Variants in PLEKHA8 observed in about 807,000 individuals in gnomAD.
PLEKHA8 encodes the protein pleckstrin homology domain containing A8.
PLEKHA8 carries 36 observed loss-of-function variants against 68.2 expected under a neutral mutation model. The ratio of observed to expected loss-of-function variants is 0.53; its 90% CI spans 0.40 to 0.70. PLEKHA8 has a LOEUF of 0.70. Ranked by LOEUF, PLEKHA8 falls within the 30% of genes least tolerant of loss-of-function variation. The pLI is 0.00. For missense variants in PLEKHA8, 505 were observed against 615.4 expected, an observed-to-expected ratio of 0.82 and a Z score of 1.90; for synonymous variants, 211 against 216.1, an observed-to-expected ratio of 0.98 and a Z score of 0.20.
intron 13 of PLEKHA8, 90 bp from the exon 14 acceptor site, chr7:30,078,500 A>G (rs1286848269): frequency 1.5e-6 from 2 of 1,343,722 alleles, no homozygotes; most frequent in Non-Finnish European, 2.1e-6. Flanking sequence ...TGTATGTGTG[A>G]AAGTATGTGT....
intron 9 of PLEKHA8, among the ~76,000 whole-genome samples, chr7:30,056,302 CTCTCTCTCTCTATA>C (rs1159662602): frequency 3.2e-5 from 3 of 93,558 alleles, no homozygotes; most frequent in African/African-American, 1.1e-4. Flanking sequence ...CTCTCTCTCT[CTCTCTCTCTCTATA>C]TATATATATA....
downstream of PLEKHA8, among the ~76,000 whole-genome samples, chr7:30,091,258 T>C (rs915510078): frequency 6.6e-6 from 1 of 151,520 alleles, no homozygotes; most frequent in African/African-American, 2.4e-5. Context: ...TTTGTTTTAC[T>C]CTTTTTTTTT....
At chr7:30,030,463 TTTG>T (rs745938520) in intron 1 of PLEKHA8, among the ~76,000 whole-genome samples, 3 of 152,354 alleles carry the variant, frequency 2.0e-5, no homozygotes, top group Non-Finnish European at 4.4e-5. Context: ...TTTTGGAATC[TTTG>T]TTATTTGATT....
intron 4 of PLEKHA8, 28 bp from the exon 5 acceptor site, chr7:30,049,196 G>T: frequency 6.2e-7 from 1 of 1,613,134 alleles, no homozygotes; most frequent in South Asian, 1.1e-5. Context: ...GCAAGGTAAA[G>T]GAGTCTTCCA....
intron 5 of PLEKHA8, among the ~76,000 whole-genome samples, chr7:30,049,795 A>G (rs1326755441): frequency 1.3e-5 from 2 of 152,092 alleles, no homozygotes; most frequent in Non-Finnish European, 2.9e-5. Context: ...CCCTTCCCAC[A>G]TTACCAGCTC....
chr7:30,103,221 C>T (rs1419874430), intron 13 of PLEKHA8, among the ~76,000 whole-genome samples: 1 of 152,092 alleles, frequency 6.6e-6, no homozygotes, highest in African/African-American at 2.4e-5. Flanking sequence ...AAATGATGCA[C>T]AACAATGTGA....
At chr7:30,034,783 A>G (rs1790941586) in intron 1 of PLEKHA8, among the ~76,000 whole-genome samples, 1 of 151,672 alleles carries the variant, frequency 6.6e-6, no homozygotes, top group African/African-American at 2.4e-5. Context: ...GATCAACTGT[A>G]TTTTCTTTTC....
At chr7:30,126,376 T>A (rs1461218033) in intron 13 of PLEKHA8, among the ~76,000 whole-genome samples, 1 of 152,236 alleles carries the variant, frequency 6.6e-6, no homozygotes, top group Non-Finnish European at 1.5e-5. Context: ...TCAAGATCTC[T>A]AGGACTCCTT....
chr7:30,121,632 A>G (rs1345446196), intron 13 of PLEKHA8, among the ~76,000 whole-genome samples: 1 of 152,116 alleles, frequency 6.6e-6, no homozygotes, highest in Non-Finnish European at 1.5e-5. Flanking sequence ...CTGTCTAAAA[A>G]AAAAACCCTA....
At chr7:30,129,389 A>C (rs1796836061) in exon 14 of PLEKHA8, 1 of 1,565,684 alleles carries the variant, frequency 6.4e-7, no homozygotes, top group Non-Finnish European at 8.8e-7. Flanking sequence ...CTGATGATAA[A>C]GAAGCAGCCA....
Position 30,050,400 on chromosome 7 carries a change from CAT to C in PLEKHA8, c.598-33_598-32del, listed in dbSNP as rs770323091. Reference sequence around the variant, plus strand: ...TAAATATGCTCTGTTCAAAGTTTAACATGTGAACTTTCCTTTCTTTGCTTCTT... The same window carrying C: ...TAAATATGCTCTGTTCAAAGTTTAACGTGAACTTTCCTTTCTTTGCTTCTT... On this transcript the variant is annotated intron_variant, in intron 5 of 13. Transcript: ENST00000449726. 102 of 1,552,144 alleles carry C rather than the reference CAT, an allele frequency of 6.6e-5. 1 individual carries two copies. The South Asian group carries it at 9.5e-4, about 14-fold the overall frequency.
chr7:30,067,458 A>G (rs1418092762), intron 12 of PLEKHA8, among the ~76,000 whole-genome samples: 3 of 152,228 alleles, frequency 2.0e-5, no homozygotes, highest in African/African-American at 7.2e-5. Flanking sequence ...TGACAAACCA[A>G]GACTCTGTCT....
exon 13 of PLEKHA8, chr7:30,090,668 T>G: frequency 1.7e-6 from 1 of 574,374 alleles, no homozygotes; most frequent in Non-Finnish European, 2.2e-6. Context: ...GACTTGATAC[T>G]GTCTCAACTT....
chr7:30,074,909 A>G (rs1200397001), intron 13 of PLEKHA8: 2 of 152,190 alleles, frequency 1.3e-5, no homozygotes, highest in African/African-American at 4.8e-5. Flanking sequence ...AGACTGCTTT[A>G]TAAAATAGCA....
chr7:30,039,722 C>T lies in PLEKHA8; in HGVS notation c.41-5363C>T, dbSNP rs547365799. Among the ~76,000 whole-genome samples, 433 of 152,026 alleles carry T rather than the reference C, an allele frequency of 2.8e-3. 1 individual carries two copies. The highest frequency in any genetic ancestry group is 0.02 in the Middle Eastern group (6 of 294). On this transcript the variant is annotated intron_variant, in intron 1 of 13. Transcript: ENST00000449726. ...CTAATAGGTTTTTTTTAGTGGCTTC[C>T]TTGCATTTTGTTTTTGTTTAAATAT...
At chr7:30,062,786 G>A (rs756022884) in intron 12 of PLEKHA8, 44 bp downstream of exon 12, 67 of 1,454,938 alleles carry the variant, frequency 4.6e-5, no homozygotes, top group Non-Finnish European at 6.1e-5. Context: ...ATAGACTGTG[G>A]AATGGAGACC....
intron 9 of PLEKHA8, among the ~76,000 whole-genome samples, chr7:30,057,421 C>T (rs1793080807): frequency 6.6e-6 from 1 of 150,660 alleles, no homozygotes; most frequent in African/African-American, 2.4e-5. Flanking sequence ...TATTCACTCT[C>T]TTATGGATGG....
intron 13 of PLEKHA8, among the ~76,000 whole-genome samples, chr7:30,097,554 C>G (rs1451743725): frequency 1.3e-5 from 2 of 152,184 alleles, no homozygotes; most frequent in African/African-American, 4.8e-5. Flanking sequence ...CTAACCTTCT[C>G]TTCTCGCTTC....
intron 13 of PLEKHA8, among the ~76,000 whole-genome samples, chr7:30,125,863 G>C (rs1189873447): frequency 6.6e-6 from 1 of 151,852 alleles, no homozygotes; most frequent in African/African-American, 2.4e-5. Flanking sequence ...TTATAAATCA[G>C]ATTTTTTTAA....
Sources: allele counts gnomAD v4.1 joint callset (sites outside exome capture counted in the v4.1 genomes callset), GRCh38; gene constraint gnomAD v4.1.1; transcripts MANE v1.5; gene names NCBI Gene and HGNC (gene_info 2026-07-23, HGNC 2026-07-21).